The following PEG3 variants were observed in gnomAD, a reference collection of about 807,000 sequenced individuals.
The protein encoded by PEG3 is paternally expressed 3, also known as paternally-expressed gene 3 protein.
In PEG3, 23 loss-of-function variants were observed where a neutral mutation model predicts 35.5. The observed-to-expected ratio is 0.65, with a 90% CI of 0.47 to 0.92. The LOEUF (loss-of-function observed/expected upper bound fraction) is 0.92, where lower values mean the gene tolerates loss of function less well. Among genes scored for constraint, PEG3 ranks in the 40% least tolerant of loss-of-function variants. The pLI is 0.00. For missense variants in PEG3, 1,960 were observed against 1,985.3 expected (o/e 0.99, Z 0.24); for synonymous variants, 707 against 697.0 (o/e 1.01, Z -0.23).
rs1342447596 is a variant in PEG3, at chr19:56,815,593, G to C, written c.2849C>G (p.Ser950Cys). 6.2e-7 allele frequency: 1 copy of C among 1,614,124 alleles called. No homozygotes were observed. The highest frequency in any genetic ancestry group is 2.2e-5 in the East Asian group (1 of 44,870). ...KYIEHRSNETSVIHSLPFGEQ... is the reference protein window; with the variant it reads ...KYIEHRSNETCVIHSLPFGEQ... ...ACCAAAAGGCAGAGAGTGAATTACA[G>C]AGGTCTCATTGCTCCTATGCTCAAT... Residue 950 changes from serine (S) to cysteine (C), a missense_variant, in exon 10 of 10, where the codon TCT becomes TGT. Transcript: ENST00000326441.
rs772315407 is a variant in PEG3 at position 56,817,438 on chromosome 19, C to T, written c.1004G>A (p.Ser335Asn). 2.5e-6 allele frequency: 4 copies of T among 1,614,142 alleles called. No individual in the cohort carries two copies. Among genetic ancestry groups the T allele is most frequent in the Non-Finnish European group, 3.4e-6 (4 of 1,179,994 alleles). ...TCTGGGGAATCTCTGTGACCGGTCG[C>T]TTGACTCCCTTGCTCTTCCCGATTT... ...SSKSGRARES[S>N]DRSQRFPRMS... Residue 335 changes from serine (S) to asparagine (N), a missense_variant, in exon 10 of 10, where the codon AGC becomes AAC. By Grantham distance (46) the Ser-to-Asn change is conservative. Coordinates refer to ENST00000326441, the MANE Select transcript of PEG3 (RefSeq NM_006210.3).
rs199700994 is a variant in PEG3, at chr19:56,817,433, G to A, written c.1009C>T (p.Arg337Trp). The part of the protein sequence containing the change: ...KSGRARESSD[R>W]SQRFPRMSDD... ...GACATTCTGGGGAATCTCTGTGACC[G>A]GTCGCTTGACTCCCTTGCTCTTCCC... The change falls in exon 10 of 10, where the codon CGG becomes TGG. Residue 337 changes from arginine (R) to tryptophan (W), a missense_variant. This residue lies in a region of PEG3 where 613 missense variants were observed against 577.1 expected (regional missense o/e 1.06). Transcript: ENST00000326441. 144 of 1,613,972 alleles carry A rather than the reference G, an allele frequency of 8.9e-5. No homozygotes were observed. In the Middle Eastern group the frequency reaches 3.5e-3, roughly 39 times the overall value.
rs1456307122 is a variant in PEG3, at chr19:56,817,419, G to T, written c.1023C>A (p.Phe341Leu). Reference protein sequence around the residue: ...ARESSDRSQRFPRMSDDNWKD... With the variant: ...ARESSDRSQRLPRMSDDNWKD... ...TCCAGTTATCATCTGACATTCTGGG[G>T]AATCTCTGTGACCGGTCGCTTGACT... Residue 341 changes from phenylalanine (F) to leucine (L), a missense_variant, in exon 10 of 10, where the codon TTC becomes TTA. Phe to Leu is a conservative substitution (Grantham distance 22, BLOSUM62 0). Transcript: ENST00000326441. The T allele has an allele frequency of 1.2e-6, 2 of 1,613,962 alleles. No homozygotes were observed. The highest frequency in any genetic ancestry group is 1.3e-5 in the African/African-American group (1 of 74,886).
rs373108798 is a variant in PEG3 at position 56,813,339 on chromosome 19, T to C, written c.*336A>G. 2.8e-6 allele frequency: 3 copies of C among 1,059,000 alleles called. No individual in the cohort carries two copies. Among genetic ancestry groups the C allele is most frequent in the East Asian group, 1.2e-4 (2 of 16,366 alleles). The allele number at this position is 1,059,000 out of a possible 1,614,324, so 65.6% of individuals were successfully genotyped here. On this transcript the variant is annotated 3_prime_UTR_variant, in exon 10 of 10. Transcript: ENST00000326441. ...ATTTTATATACACCTCATGAAACAC[T>C]ATATATACGTTACACAAGTGTCATT...
rs754198858 is a variant in PEG3, at chr19:56,811,339, C to G, written c.*2336G>C. On this transcript the variant is annotated 3_prime_UTR_variant, in exon 10 of 10. Coordinates refer to ENST00000326441, the MANE Select transcript of PEG3 (RefSeq NM_006210.3). ...CTGTTTAAATGAACTGTTAAATGAA[C>G]AGCATATAAATGAACTGTTGAGTTA... 12 of 891,564 alleles carry G rather than the reference C, an allele frequency of 1.3e-5. No individual in the cohort carries two copies. The highest frequency in any genetic ancestry group is 1.6e-5 in the Non-Finnish European group (12 of 744,782). The allele number at this position is 891,564 out of a possible 1,614,324, so 55.2% of individuals were successfully genotyped here. A position where few individuals can be genotyped will look rare whatever the true frequency, so the allele number is the denominator to read the frequency against.
At chr19:56,834,712 C>T (rs2061910874) in intron 2 of PEG3, among the ~76,000 whole-genome samples, 2 of 152,166 alleles carry the variant, frequency 1.3e-5, no homozygotes, top group Non-Finnish European at 2.9e-5. Context: ...AGCACTGAGG[C>T]CAGGAATACA....
chr19:56,826,572 G>A (rs1051361325), intron 2 of PEG3, 109 bp from the exon 3 acceptor site: 21 of 152,328 alleles, frequency 1.4e-4, no homozygotes, highest in Admixed American at 1.2e-3. Context: ...AATAGCACTG[G>A]GGTGATGCCT....
chr19:56,813,695 G>A lies in PEG3; in HGVS notation c.4747C>T (p.Gln1583Ter). 1 of 1,613,384 alleles carries A rather than the reference G, an allele frequency of 6.2e-7. No homozygotes were observed. The highest frequency in any genetic ancestry group is 8.5e-7 in the Non-Finnish European group (1 of 1,179,422). Residue 1583 changes from glutamine to a stop codon, truncating the protein, a stop_gained, in exon 10 of 10, where the codon CAG becomes TAG. Transcript: ENST00000326441. LOFTEE classifies it high-confidence loss of function. ...FNDRLSLARH[Q>*]NTHTG ...TGCCCTCAGCCAGTGTGGGTATTCT[G>A]GTGTCTGGCGAGGGACAGGCGGTCA...
At position 56,814,883 on chromosome 19, in the gene PEG3, G is replaced by T; in HGVS notation, c.3559C>A (p.Gln1187Lys). ...FLFEHQRIHE[Q>K]DQLYSMKGCD... ...CCCTTCATGGAATACAACTGGTCTTGTTCATGGATTCTCTGATGCTCGAAA... is the reference window on the plus strand; with the variant it reads ...CCCTTCATGGAATACAACTGGTCTTTTTCATGGATTCTCTGATGCTCGAAA... Residue 1187 changes from glutamine (Q) to lysine (K), a missense_variant, in exon 10 of 10, where the codon CAA becomes AAA. Gln to Lys is a moderately conservative substitution (Grantham distance 53). Coordinates refer to ENST00000326441, the MANE Select transcript of PEG3 (RefSeq NM_006210.3). This position sits in a 1 kb window ranked among gnomAD's most constrained non-coding sequence, Gnocchi z 5.8. The T allele has an allele frequency of 6.2e-7, 1 of 1,614,160 alleles. No homozygotes were observed. Among genetic ancestry groups the T allele is most frequent in the Non-Finnish European group, 8.5e-7 (1 of 1,180,026 alleles).
rs377695388 is a variant in PEG3 at position 56,824,659 on chromosome 19, T to C, written c.-4A>G. ...ACAAGTGCTTTGGAGGCAGCATTTC[T>C]CTAAGTAAAATTTTCACTGGAGGAA... On this transcript the variant is annotated 5_prime_UTR_variant, in exon 4 of 10. Coordinates refer to ENST00000326441, the MANE Select transcript of PEG3 (RefSeq NM_006210.3). 1 of 1,587,238 alleles carries C rather than the reference T, an allele frequency of 6.3e-7. No individual in the cohort carries two copies. Among genetic ancestry groups the C allele is most frequent in the African/African-American group, 1.4e-5 (1 of 73,482 alleles).
chr19:56,838,385 C>T (rs1433015616), intron 1 of PEG3, among the ~76,000 whole-genome samples: 3 of 152,190 alleles, frequency 2.0e-5, no homozygotes. Flanking sequence ...ACAGACAGTA[C>T]CGTAGAGGCG....
chr19:56,821,389 G>A (rs987272129), intron 7 of PEG3, among the ~76,000 whole-genome samples: 3 of 152,132 alleles, frequency 2.0e-5, no homozygotes, highest in African/African-American at 7.2e-5. Flanking sequence ...TGTAGGGAAC[G>A]GCCAATGTGA....
intron 2 of PEG3, among the ~76,000 whole-genome samples, chr19:56,829,699 A>C (rs1860567): frequency 0.79 from 119,849 of 152,196 alleles, 47,327 homozygotes; most frequent in South Asian, 0.84. Flanking sequence ...CTTGGATTCA[A>C]CCCGTCCTCT....
In PEG3 at chr19:56,836,095, G is replaced by A. The variant is rs544087620; in HGVS notation, c.-240C>T. 12 of 488,368 alleles carry A rather than the reference G, an allele frequency of 2.5e-5. No homozygotes were observed. Among genetic ancestry groups the A allele is most frequent in the Admixed American group, 4.3e-5 (2 of 46,676 alleles). The allele number at this position is 488,368 out of a possible 1,614,324, so 30.3% of individuals were successfully genotyped here. Reference sequence around the variant, plus strand: ...GTCTCCAAGAAGGACGGAAGATCAAGAAGGCAAAGCTGTAGAGGAAAAGAA... The same window carrying A: ...GTCTCCAAGAAGGACGGAAGATCAAAAAGGCAAAGCTGTAGAGGAAAAGAA... On this transcript the variant is annotated 5_prime_UTR_variant, in exon 2 of 10. Transcript: ENST00000326441.
At chr19:56,829,148 C>T (rs748306093) in intron 2 of PEG3, among the ~76,000 whole-genome samples, 11 of 152,066 alleles carry the variant, frequency 7.2e-5, no homozygotes, top group East Asian at 5.8e-4. Flanking sequence ...GTCAGGAGTT[C>T]GAGACCAGCC....
At chr19:56,835,012 C>T (rs2061946702) in intron 2 of PEG3, among the ~76,000 whole-genome samples, 1 of 152,142 alleles carries the variant, frequency 6.6e-6, no homozygotes, top group Non-Finnish European at 1.5e-5. Flanking sequence ...ACTGTGCCTC[C>T]TCTGAATCAG....
At chr19:56,830,747 C>A (rs2061497196) in intron 2 of PEG3, among the ~76,000 whole-genome samples, 1 of 151,714 alleles carries the variant, frequency 6.6e-6, no homozygotes, top group Non-Finnish European at 1.5e-5. Context: ...CCTGCAACTT[C>A]AAACAAAATT....
chr19:56,816,287 C>T lies in PEG3; in HGVS notation c.2155G>A (p.Glu719Lys), dbSNP rs1203792557. 3 of 1,613,884 alleles carry T rather than the reference C, an allele frequency of 1.9e-6. No homozygotes were observed. The highest frequency in any genetic ancestry group is 2.5e-6 in the Non-Finnish European group (3 of 1,179,860). The change falls in exon 10 of 10, where the codon GAG (glutamate) becomes AAG (lysine). Residue 719 changes from glutamate (E) to lysine (K), a missense_variant. By Grantham distance (56) the Glu-to-Lys change is moderately conservative. Around this residue, in one of 5 missense-constraint regions of PEG3, gnomAD observed 798 missense variants for 782.4 expected, o/e 1.02. Transcript: ENST00000326441. ...GGCCCACTATGAATGACAGATTTCT[C>T]ATACCCTCTGCCTTCAAAGAGGTTC... ...RKNLFEGRGYEKSVIHSGPFT... is the reference protein window; with the variant it reads ...RKNLFEGRGYKKSVIHSGPFT...
chr19:56,824,889 A>G, intron 3 of PEG3, 148 bp from the exon 4 acceptor site: 1 of 499,950 alleles, frequency 2.0e-6, no homozygotes, highest in Non-Finnish European at 3.6e-6. Context: ...TGGCCTCAGC[A>G]CAGCAGTTAC....
Sources: gnomAD v4.1 joint callset for allele counts (sites outside exome capture counted in the v4.1 genomes callset) on GRCh38, gnomAD v4.1.1 for gene constraint, gnomAD v4.1.1 regional missense constraint, Gnocchi (gnomAD v3.1) non-coding constraint, MANE v1.5 for transcripts, NCBI Gene and HGNC (gene_info 2026-07-23, HGNC 2026-07-21) for gene names.